The following TTBK2 variants were observed in gnomAD, a reference collection of about 807,000 sequenced individuals.
TTBK2 encodes tau tubulin kinase 2, also known as tau-tubulin kinase 2.
A neutral mutation model predicts 110.8 loss-of-function variants in TTBK2; 28 were observed. That is an observed-to-expected ratio of 0.25 (90% CI 0.19 to 0.35). The LOEUF (loss-of-function observed/expected upper bound fraction) is 0.35, where lower values mean the gene tolerates loss of function less well. Among genes scored for constraint, TTBK2 ranks in the 10% least tolerant of loss-of-function variants. The pLI is 1.00. For missense variants in TTBK2, 1,369 were observed against 1,500.3 expected (o/e 0.91, Z 1.45); for synonymous variants, 532 against 527.3 (o/e 1.01, Z -0.12).
At chr15:42,824,025 G>A (rs1448836060) in intron 6 of TTBK2, among the ~76,000 whole-genome samples, 7 of 152,044 alleles carry the variant, frequency 4.6e-5, no homozygotes, top group Admixed American at 4.6e-4. Flanking sequence ...GAGGTCACAT[G>A]GTGTGAAAGG....
chr15:42,782,143 C>G (rs1037337483), intron 11 of TTBK2, among the ~76,000 whole-genome samples: 4 of 152,144 alleles, frequency 2.6e-5, no homozygotes, highest in Admixed American at 2.6e-4. Context: ...ATGATCTTGG[C>G]TCACTGCAAC....
In TTBK2 at chr15:42,842,890, C is replaced by T. The variant is rs151254722; in HGVS notation, c.218-2457G>A. On this transcript the variant is annotated intron_variant, in intron 3 of 14. Transcript: ENST00000267890. ...TACACAGTACATGTTGATCACTTAA[C>T]ATGTATTTTACATATATTTGCAAAA... Among the ~76,000 whole-genome samples, 380 of 152,208 alleles carry T rather than the reference C, an allele frequency of 2.5e-3. 1 individual carries two copies. Among genetic ancestry groups the T allele is most frequent in the Middle Eastern group, 0.017 (5 of 294 alleles).
At chr15:42,766,866 T>C (rs1386546408) in intron 13 of TTBK2, among the ~76,000 whole-genome samples, 1 of 152,164 alleles carries the variant, frequency 6.6e-6, no homozygotes, top group Non-Finnish European at 1.5e-5. Flanking sequence ...ATTCCAAAGT[T>C]CACCACACAG....
At chr15:42,800,914 C>T in intron 9 of TTBK2, 1 of 678,118 alleles carries the variant, frequency 1.5e-6, no homozygotes, top group Non-Finnish European at 2.7e-6. Flanking sequence ...ACAGTGGCCT[C>T]CCTCCTAGGC....
intron 3 of TTBK2, among the ~76,000 whole-genome samples, chr15:42,846,017 T>C (rs1893446509): frequency 6.6e-6 from 1 of 152,142 alleles, no homozygotes; most frequent in African/African-American, 2.4e-5. Flanking sequence ...AACAAAATGC[T>C]GTTGTGTGAT....
chr15:42,791,644 TTCCTCTCCCAA>T (rs1890690536), intron 10 of TTBK2, among the ~76,000 whole-genome samples: 1 of 152,230 alleles, frequency 6.6e-6, no homozygotes, highest in Admixed American at 6.5e-5. Flanking sequence ...ATTTCATTTC[TTCCTCTCCCAA>T]TAAGGTCTGA....
At chr15:42,785,225 T>C (rs1022104118) in intron 10 of TTBK2, among the ~76,000 whole-genome samples, 5 of 150,930 alleles carry the variant, frequency 3.3e-5, no homozygotes, top group African/African-American at 1.2e-4. Flanking sequence ...GTTCAAGCGA[T>C]TCTCCTGCCT....
At chr15:42,809,558 T>A (rs1254369311) in intron 9 of TTBK2, among the ~76,000 whole-genome samples, 1 of 152,230 alleles carries the variant, frequency 6.6e-6, no homozygotes, top group African/African-American at 2.4e-5. Flanking sequence ...ATAATTTCAT[T>A]GCTTTAAGTA....
At chr15:42,830,188 GA>G in intron 4 of TTBK2, 110 bp from the exon 5 acceptor site, 1 of 1,346,924 alleles carries the variant, frequency 7.4e-7, no homozygotes, top group South Asian at 1.3e-5. Context: ...AAAATAGCAA[GA>G]ATTTTTTTTT....
chr15:42,911,413 G>A (rs959156518), intron 1 of TTBK2, among the ~76,000 whole-genome samples: 1 of 152,178 alleles, frequency 6.6e-6, no homozygotes, highest in Non-Finnish European at 1.5e-5. Context: ...TCCAGCCTGG[G>A]CAACATAGCA....
chr15:42,762,006 A>G (rs1182835369), intron 13 of TTBK2, among the ~76,000 whole-genome samples: 1 of 152,156 alleles, frequency 6.6e-6, no homozygotes, highest in Non-Finnish European at 1.5e-5. Context: ...TGGTTATTAT[A>G]AGGGGGAGTT....
rs184185788 is a variant in TTBK2, at chr15:42,841,449, G to A, written c.218-1016C>T. Among the ~76,000 whole-genome samples the A allele has an allele frequency of 2.2e-3, 333 of 152,140 alleles. 1 individual carries two copies. Among genetic ancestry groups the A allele is most frequent in the African/African-American group, 7.5e-3 (310 of 41,514 alleles). ...TGGTCTCAAACTCCGGGGCTCAAGC[G>A]ATCTGCCCGCCTCAGCCTCCCAAAG... On this transcript the variant is annotated intron_variant, in intron 3 of 14. Coordinates refer to ENST00000267890, the MANE Select transcript of TTBK2 (RefSeq NM_173500.4).
intron 7 of TTBK2, among the ~76,000 whole-genome samples, chr15:42,814,379 G>C (rs1891854923): frequency 1.3e-5 from 2 of 152,114 alleles, no homozygotes; most frequent in African/African-American, 2.4e-5. Flanking sequence ...AGGAGTTTGA[G>C]ACCAGCTTGG....
In TTBK2 at chr15:42,913,131, CAAAAAAAAAAA is replaced by C. The variant is rs61404472; in HGVS notation, c.-68+7296_-68+7306del. ...TGGGCGACAGAGCGAGACTCCGTCT[CAAAAAAAAAAA>C]AAAAAAAAAAAAAGAGCTCCTCTGA... On this transcript the variant is annotated intron_variant, in intron 1 of 14. Coordinates refer to ENST00000267890, the MANE Select transcript of TTBK2 (RefSeq NM_173500.4). Among the ~76,000 whole-genome samples the C allele has an allele frequency of 2.6e-4, 8 of 30,914 alleles. No individual in the cohort carries two copies. In the East Asian group the frequency reaches 5.0e-3, roughly 19 times the overall value. 20.3% of individuals were successfully genotyped at this position (30,914 alleles called of 152,430 possible).
intron 9 of TTBK2, among the ~76,000 whole-genome samples, chr15:42,795,873 A>G (rs1890917552): frequency 6.6e-6 from 1 of 151,306 alleles, no homozygotes; most frequent in Admixed American, 6.6e-5. Flanking sequence ...AGATTACTTC[A>G]GCTATTAAGT....
At chr15:42,783,736 A>T in intron 10 of TTBK2, 101 bp from the exon 11 acceptor site, 1 of 913,800 alleles carries the variant, frequency 1.1e-6, no homozygotes, top group South Asian at 1.5e-5. Flanking sequence ...ACACATAATT[A>T]AGAGAGTTAA....
At chr15:42,827,858 T>C (rs927213796) in intron 6 of TTBK2, 70 bp downstream of exon 6, 18 of 1,273,200 alleles carry the variant, frequency 1.4e-5, no homozygotes, top group Non-Finnish European at 1.9e-5. Flanking sequence ...ATTAGCATTG[T>C]TTAAAAAGTG....
At chr15:42,793,960 G>A (rs1365052029) in intron 10 of TTBK2, among the ~76,000 whole-genome samples, 1 of 151,638 alleles carries the variant, frequency 6.6e-6, no homozygotes, top group African/African-American at 2.4e-5. Context: ...CTGTTGCATA[G>A]GCTAGAGTGT....
At chr15:42,778,622 C>T (rs9635326) in intron 11 of TTBK2, among the ~76,000 whole-genome samples, 67,672 of 151,952 alleles carry the variant, frequency 0.45, 18,256 homozygotes, top group East Asian at 0.64. Context: ...GAGCCGAGAT[C>T]GTGCCATTGC....
Sources: gnomAD v4.1 joint callset for allele counts (sites outside exome capture counted in the v4.1 genomes callset) on GRCh38, gnomAD v4.1.1 for gene constraint, MANE v1.5 for transcripts, NCBI Gene and HGNC (gene_info 2026-07-23, HGNC 2026-07-21) for gene names.